The following PRP4K variants were observed in gnomAD, a reference collection of about 807,000 sequenced individuals.
The protein encoded by PRP4K is serine/threonine-protein kinase PRP4 homolog.
At chr6:4,038,282 G>GTTTTA in the PRP4K span, among the ~76,000 whole-genome samples, 899 of 151,804 alleles carry the variant, frequency 5.9e-3, 11 homozygotes, top group African/African-American at 0.02. Flanking sequence ...TCAATGAGGG[G>GTTTTA]TTTTATTTTA....
chr6:4,033,831 A>AGCC, the PRP4K span, among the ~76,000 whole-genome samples: 2 of 151,902 alleles, frequency 1.3e-5, no homozygotes, highest in African/African-American at 4.8e-5. Flanking sequence ...GTAATGAAAT[A>AGCC]GCCCCTTTTT....
chr6:4,029,012 C>CTTTTTTTTTTTTTTTTTTTTTTT, the PRP4K span, among the ~76,000 whole-genome samples: 2 of 132,482 alleles, frequency 1.5e-5, no homozygotes, highest in Non-Finnish European at 3.3e-5. Flanking sequence ...TACTTGGAAT[C>CTTTTTTTTTTTTTTTTTTTTTTT]TTTTTTTTTT....
chr6:4,021,914 C>T, the PRP4K span, among the ~76,000 whole-genome samples: 4 of 152,184 alleles, frequency 2.6e-5, no homozygotes, highest in Non-Finnish European at 4.4e-5. Context: ...CCCAGTCGTC[C>T]TTTTACTGGT....
the PRP4K span, among the ~76,000 whole-genome samples, chr6:4,038,970 A>G: frequency 4.0e-4 from 51 of 128,332 alleles, no homozygotes; most frequent in African/African-American, 1.4e-3. Context: ...TGGACCTTCT[A>G]TATTGTTCCA....
chr6:4,060,354 T>G, the PRP4K span: 8 of 1,461,654 alleles, frequency 5.5e-6, no homozygotes, highest in Non-Finnish European at 7.5e-6. The surrounding 1 kb of genome is among the most constrained non-coding windows in gnomAD (Gnocchi z 4.7). Context: ...ACAATCTGAT[T>G]TAAGTTGTAT....
the PRP4K span, among the ~76,000 whole-genome samples, chr6:4,055,853 C>T: frequency 6.6e-6 from 1 of 152,144 alleles, no homozygotes; most frequent in Admixed American, 6.5e-5. Context: ...ATAGCAGCTT[C>T]GGATGAAGAA....
At chr6:4,048,327 G>A in the PRP4K span, among the ~76,000 whole-genome samples, 3 of 150,306 alleles carry the variant, frequency 2.0e-5, no homozygotes, top group Admixed American at 6.6e-5. Flanking sequence ...TGCAGTGAGC[G>A]GAGATCGCGC....
chr6:4,064,346 A>G, the PRP4K span: 7 of 152,472 alleles, frequency 4.6e-5, no homozygotes, highest in African/African-American at 1.7e-4. Flanking sequence ...TTTGTTCCAT[A>G]TTTGCATTCC....
the PRP4K span, chr6:4,056,788 G>T: frequency 1.5e-6 from 2 of 1,335,080 alleles, no homozygotes; most frequent in Non-Finnish European, 2.0e-6. Flanking sequence ...AATGAGAAAA[G>T]AGAAGAAATA....
chr6:4,059,383 A>C, the PRP4K span, among the ~76,000 whole-genome samples: 1 of 152,122 alleles, frequency 6.6e-6, no homozygotes, highest in East Asian at 1.9e-4. Flanking sequence ...CCCCTAAAAA[A>C]TGTATCATCT....
the PRP4K span, chr6:4,047,164 T>A: frequency 6.3e-7 from 1 of 1,595,986 alleles, no homozygotes; most frequent in Non-Finnish European, 8.6e-7. Flanking sequence ...TTAATGCTAA[T>A]TTCCTTTAAG....
chr6:4,044,393 C>G, the PRP4K span, among the ~76,000 whole-genome samples: 7,685 of 151,850 alleles, frequency 0.051, 633 homozygotes, highest in African/African-American at 0.17. Flanking sequence ...TTTTGGTTAC[C>G]CCAAAAGATA....
the PRP4K span, among the ~76,000 whole-genome samples, chr6:4,044,450 A>T: frequency 6.6e-6 from 1 of 152,120 alleles, no homozygotes; most frequent in Admixed American, 6.5e-5. Flanking sequence ...TATTTTCTTT[A>T]TTTACCAATT....
At chr6:4,039,939 T>TA in the PRP4K span, among the ~76,000 whole-genome samples, 1 of 151,190 alleles carries the variant, frequency 6.6e-6, no homozygotes, top group African/African-American at 2.4e-5. Context: ...CTTGCTCTGT[T>TA]ACCCAGGCTG....
chr6:4,062,924 G>C, the PRP4K span: 1 of 152,146 alleles, frequency 6.6e-6, no homozygotes, highest in Non-Finnish European at 1.5e-5. This position sits in a 1 kb window ranked among gnomAD's most constrained non-coding sequence, Gnocchi z 4.2. Flanking sequence ...CAAAGTAGTT[G>C]ACAATTTGAT....
At chr6:4,063,324 T>A in the PRP4K span, 1 of 152,112 alleles carries the variant, frequency 6.6e-6, no homozygotes, top group Non-Finnish European at 1.5e-5. Flanking sequence ...AAAATAAAAA[T>A]AGTGGTCAAC....
chr6:4,053,474 C>G, the PRP4K span, among the ~76,000 whole-genome samples: 2 of 152,138 alleles, frequency 1.3e-5, no homozygotes, highest in African/African-American at 4.8e-5. Flanking sequence ...CTGACGGACC[C>G]CAGTGTGTAT....
chr6:4,047,334 G>T, the PRP4K span: 2 of 1,101,292 alleles, frequency 1.8e-6, no homozygotes, highest in Non-Finnish European at 2.7e-6. Context: ...GAAGAATAAA[G>T]CAAATGTAAT....
At chr6:4,031,871 C>T in the PRP4K span, 82 of 1,613,822 alleles carry the variant, frequency 5.1e-5, no homozygotes, top group African/African-American at 6.7e-5. Context: ...TGATTAAGGC[C>T]GAACTTGATA....
Sources: gnomAD v4.1 joint callset for allele counts (sites outside exome capture counted in the v4.1 genomes callset) on GRCh38, gnomAD v4.1.1 for gene constraint, Gnocchi (gnomAD v3.1) non-coding constraint, MANE v1.5 for transcripts, NCBI Gene and HGNC (gene_info 2026-07-23, HGNC 2026-07-21) for gene names.